The following TMPRSS3 variants were observed in gnomAD, a reference collection of about 807,000 sequenced individuals.
The protein encoded by TMPRSS3 is transmembrane serine protease 3, also known as transmembrane protease serine 3.
In TMPRSS3, 55 loss-of-function variants were observed where a neutral mutation model predicts 59.6. That is an observed-to-expected ratio of 0.92 (90% confidence interval 0.74 to 1.16). TMPRSS3 has a LOEUF of 1.16. TMPRSS3 is among the 50% of genes most tolerant of loss of function. The probability of loss-of-function intolerance (pLI) is 0.00; values close to 1 mark genes in which losing one functional copy is unlikely to be tolerated. For missense variants in TMPRSS3, 596 were observed against 579.4 expected, an observed-to-expected ratio of 1.03 and a Z score of -0.29; for synonymous variants, 257 against 237.7, an observed-to-expected ratio of 1.08 and a Z score of -0.75.
chr21:42,385,063 C>CTCTT (rs374631481), intron 6 of TMPRSS3, among the ~76,000 whole-genome samples: 1,843 of 110,218 alleles, frequency 0.017, no homozygotes, highest in African/African-American at 0.023. Flanking sequence ...CTTCCTCCCT[C>CTCTT]CCTCCCTCCC....
intron 9 of TMPRSS3, 156 bp downstream of exon 9, chr21:42,381,909 T>C: frequency 3.1e-6 from 3 of 954,294 alleles, no homozygotes; most frequent in Non-Finnish European, 5.0e-6. Context: ...GAAAAGATAA[T>C]CAACTGATGC....
At chr21:42,377,453 C>T (rs1367392208) in intron 10 of TMPRSS3, among the ~76,000 whole-genome samples, 1 of 152,222 alleles carries the variant, frequency 6.6e-6, no homozygotes, top group Non-Finnish European at 1.5e-5. Context: ...CCAGGAGGAG[C>T]CAGCACAGCC....
intron 10 of TMPRSS3, among the ~76,000 whole-genome samples, chr21:42,378,459 C>T (rs2052465815): frequency 6.6e-6 from 1 of 152,164 alleles, no homozygotes; most frequent in Non-Finnish European, 1.5e-5. Context: ...GATCTCCCAG[C>T]GTTTAGGGTG....
chr21:42,382,608 T>C (rs2052552369), intron 8 of TMPRSS3: 3 of 391,446 alleles, frequency 7.7e-6, no homozygotes, highest in Admixed American at 3.8e-5. Flanking sequence ...GTAGTTTTCT[T>C]GCACTCTAAA....
Position 42,382,069 on chromosome 21 carries a change from G to A in TMPRSS3, c.948C>T (p.Phe316=), listed in dbSNP as rs727504592. Residue 316 remains phenylalanine, a synonymous_variant, in exon 9 of 13, where the codon TTC becomes TTT. Coordinates refer to ENST00000644384, the MANE Select transcript of TMPRSS3 (RefSeq NM_001256317.3). ...ALMKLAGPLT[F]NEMIQPVCLP... ...CACATAGAGACCCAGATGTACCATT[G>A]AACGTGAGTGGCCCGGCCAGCTTCA... 1.2e-6 allele frequency: 2 copies of A among 1,614,082 alleles called. No homozygotes were observed. The highest frequency in any genetic ancestry group is 1.3e-5 in the African/African-American group (1 of 74,920).
chr21:42,378,938 G>A (rs1437289403), intron 10 of TMPRSS3, among the ~76,000 whole-genome samples: 1 of 151,738 alleles, frequency 6.6e-6, no homozygotes, highest in Admixed American at 6.6e-5. Flanking sequence ...AAGCTGGAGT[G>A]GAGTGGCATG....
intron 5 of TMPRSS3, 49 bp from the exon 6 acceptor site, chr21:42,385,583 G>A (rs1266275131): frequency 1.9e-6 from 3 of 1,610,864 alleles, no homozygotes; most frequent in Non-Finnish European, 2.5e-6. Flanking sequence ...TTTACACTTT[G>A]AAGCATTCAA....
Position 42,388,417 on chromosome 21 carries a change from T to C in TMPRSS3, c.432A>G (p.Gln144=), listed in dbSNP as rs61731564. The C allele has an allele frequency of 3.9e-3, 6,256 of 1,614,210 alleles. 195 individuals carry two copies. The African/African-American group carries it at 0.068, about 17-fold the overall frequency. Residue 144 remains glutamine, a synonymous_variant, in exon 5 of 13, where the codon CAA becomes CAG. Coordinates refer to ENST00000644384, the MANE Select transcript of TMPRSS3 (RefSeq NM_001256317.3). This position sits in a 1 kb window ranked among gnomAD's most constrained non-coding sequence, Gnocchi z 5.1. ...KGHYANVACA[Q]LGFPSYVSSD... Reference sequence around the variant, plus strand: ...CTTTAACTTACCTTGGGAAACCCAGTTGGGCACAGGCAACATTTGCGTAGT... The same window carrying C: ...CTTTAACTTACCTTGGGAAACCCAGCTGGGCACAGGCAACATTTGCGTAGT...
At chr21:42,374,329 G>A (rs191625364) in intron 12 of TMPRSS3, among the ~76,000 whole-genome samples, 110 of 152,342 alleles carry the variant, frequency 7.2e-4, no homozygotes, top group African/African-American at 2.5e-3. Context: ...AGGGCTGCAG[G>A]GCGGCAGTGC....
rs915988176 is a variant in TMPRSS3 at position 42,371,915 on chromosome 21, A to C, written c.*847T>G. ...TGAGGGAAGGAAACATATTATTTGG[A>C]ATCAAAGGACAATAATACGTCAAGC... On this transcript the variant is annotated 3_prime_UTR_variant, in exon 13 of 13. Transcript: ENST00000644384. 2.0e-5 allele frequency: 9 copies of C among 454,000 alleles called. No homozygotes were observed. The highest frequency in any genetic ancestry group is 3.5e-5 in the Non-Finnish European group (8 of 226,308). The allele number at this position is 454,000 out of a possible 1,614,324, so 28.1% of individuals were successfully genotyped here.
At position 42,388,461 on chromosome 21, in the gene TMPRSS3, A is replaced by C. The variant is rs1601530764; in HGVS notation, c.388T>G (p.Ser130Ala). Reference sequence around the variant, plus strand: ...GCGTAGTGACCCTTCCAGTCATCGGAGCACATGGTCTTCCACGAAGCAGCT... The same window carrying C: ...GCGTAGTGACCCTTCCAGTCATCGGCGCACATGGTCTTCCACGAAGCAGCT... ...FTAASWKTMCSDDWKGHYANV... is the reference protein window; with the variant it reads ...FTAASWKTMCADDWKGHYANV... Residue 130 changes from serine to alanine, a missense_variant, in exon 5 of 13, where the codon TCC becomes GCC. Physicochemically the swap from Ser to Ala is moderately conservative, Grantham distance 99. Coordinates refer to ENST00000644384, the MANE Select transcript of TMPRSS3 (RefSeq NM_001256317.3). This position sits in a 1 kb window ranked among gnomAD's most constrained non-coding sequence, Gnocchi z 5.1. 1.9e-6 allele frequency: 3 copies of C among 1,614,220 alleles called. No homozygotes were observed. The East Asian group carries it at 6.7e-5, about 36-fold the overall frequency.
chr21:42,388,789 T>C lies in TMPRSS3; in HGVS notation c.322+140A>G. 1.1e-6 allele frequency: 1 copy of C among 950,300 alleles called. No individual in the cohort carries two copies. The highest frequency in any genetic ancestry group is 1.3e-5 in the South Asian group (1 of 74,664). The allele number at this position is 950,300 out of a possible 1,614,324, so 58.9% of individuals were successfully genotyped here. On this transcript the variant is annotated intron_variant, in intron 4 of 12. Transcript: ENST00000644384. This position sits in a 1 kb window ranked among gnomAD's most constrained non-coding sequence, Gnocchi z 5.1. Reference sequence around the variant, plus strand: ...CTGACCCCCCAGCCCAACATGTCTTTGGGCAAACGCCAGTTCAATCCCAGC... The same window carrying C: ...CTGACCCCCCAGCCCAACATGTCTTCGGGCAAACGCCAGTTCAATCCCAGC...
chr21:42,382,554 G>A (rs1463203639), intron 8 of TMPRSS3: 3 of 420,394 alleles, frequency 7.1e-6, no homozygotes, highest in East Asian at 4.8e-5. Context: ...CAAAATAGGG[G>A]GTAAAAATAT....
chr21:42,383,835 G>T (rs1414352178), intron 7 of TMPRSS3, 135 bp downstream of exon 7: 3 of 894,376 alleles, frequency 3.4e-6, no homozygotes, highest in East Asian at 5.2e-5. Flanking sequence ...GCAGGTAGGG[G>T]TACACAGAGT....
Position 42,375,866 on chromosome 21 carries a change from C to T in TMPRSS3, c.1194G>A (p.Gly398=). ...GACACACCAGGGGCCCCCCGCTGTCCCCCTGGGTGACAGGAAAGAAGCAAA... is the reference window on the plus strand; with the variant it reads ...GACACACCAGGGGCCCCCCGCTGTCTCCCTGGGTGACAGGAAAGAAGCAAA... The part of the protein sequence containing the change: ...YLTGGVDSCQ[G]DSGGPLVCQE... Residue 398 remains glycine, a splice_region_variant and synonymous_variant, in exon 12 of 13, where the codon GGG becomes GGA. Coordinates refer to ENST00000644384, the MANE Select transcript of TMPRSS3 (RefSeq NM_001256317.3). 1.2e-6 allele frequency: 2 copies of T among 1,613,618 alleles called. No homozygotes were observed. Among genetic ancestry groups the T allele is most frequent in the Non-Finnish European group, 1.7e-6 (2 of 1,179,996 alleles).
At chr21:42,394,063 G>A (rs143596324) in intron 2 of TMPRSS3, among the ~76,000 whole-genome samples, 11 of 152,234 alleles carry the variant, frequency 7.2e-5, no homozygotes, top group East Asian at 3.9e-4. Flanking sequence ...TAATGATGCC[G>A]TCGTGGGTAA....
intron 3 of TMPRSS3, 99 bp from the exon 4 acceptor site, chr21:42,389,144 A>G: frequency 6.4e-7 from 1 of 1,571,818 alleles, no homozygotes; most frequent in South Asian, 1.2e-5. Context: ...TGGCCCGTGA[A>G]TAATGAAACC....
At chr21:42,385,630 T>C (rs943525559) in intron 5 of TMPRSS3, 96 bp from the exon 6 acceptor site, 4 of 1,500,232 alleles carry the variant, frequency 2.7e-6, no homozygotes, top group Non-Finnish European at 3.7e-6. Context: ...GGATTGTACA[T>C]GGGGGATGTC....
chr21:42,374,313 G>A (rs1261283554), intron 12 of TMPRSS3, among the ~76,000 whole-genome samples: 2 of 152,230 alleles, frequency 1.3e-5, no homozygotes, highest in East Asian at 1.9e-4. Flanking sequence ...CCCCGAGGGG[G>A]TGCTCAGGGC....
Sources: gnomAD v4.1 joint callset for allele counts (sites outside exome capture counted in the v4.1 genomes callset) on GRCh38, gnomAD v4.1.1 for gene constraint, Gnocchi (gnomAD v3.1) non-coding constraint, MANE v1.5 for transcripts, NCBI Gene and HGNC (gene_info 2026-07-23, HGNC 2026-07-21) for gene names.